The following ACSM6 variants were observed in gnomAD, a reference collection of about 807,000 sequenced individuals.
ACSM6 encodes acyl-CoA synthetase medium chain family member 6.
Under a neutral mutation model 51.1 loss-of-function variants are expected in ACSM6, and 35 were observed. That is an observed-to-expected ratio of 0.69 (90% CI 0.52 to 0.91). The LOEUF (loss-of-function observed/expected upper bound fraction) is 0.91. Among genes scored for constraint, ACSM6 ranks in the 40% least tolerant of loss-of-function variants. The pLI, the probability that ACSM6 is intolerant of heterozygous loss-of-function variation, is 0.00. For synonymous variants in ACSM6, 172 were observed against 207.3 expected (o/e 0.83, Z 1.46); for missense variants, 509 against 584.1 (o/e 0.87, Z 1.32).
exon 3 of ACSM6, chr10:95,202,178 T>C (rs1326726413): frequency 3.9e-6 from 6 of 1,552,150 alleles, no homozygotes; most frequent in African/African-American, 1.4e-5. Flanking sequence ...TGGATCTGCC[T>C]GGCCTGTGTG....
chr10:95,206,851 A>G (rs1244369855), intron 3 of ACSM6, among the ~76,000 whole-genome samples: 1 of 152,210 alleles, frequency 6.6e-6, no homozygotes, highest in Non-Finnish European at 1.5e-5. Context: ...AGCCATTCTC[A>G]AGCCATGAGA....
chr10:95,204,230 C>T (rs575234239), intron 3 of ACSM6, among the ~76,000 whole-genome samples: 3 of 152,086 alleles, frequency 2.0e-5, no homozygotes, highest in Non-Finnish European at 4.4e-5. Flanking sequence ...AAAACAAAAT[C>T]GAAAACTCAG....
chr10:95,200,208 G>A (rs868605485), intron 2 of ACSM6, among the ~76,000 whole-genome samples: 5 of 152,092 alleles, frequency 3.3e-5, no homozygotes, highest in African/African-American at 1.2e-4. Flanking sequence ...GGACATGGAT[G>A]AAGCTGGAAA....
intron 10 of ACSM6, 30 bp downstream of exon 10, chr10:95,225,421 T>C (rs1207745849): frequency 3.7e-6 from 5 of 1,352,042 alleles, no homozygotes; most frequent in East Asian, 2.6e-5. Flanking sequence ...TCCTAAATAC[T>C]TTCATTGTTG....
chr10:95,221,036 T>C (rs573964250), intron 9 of ACSM6, among the ~76,000 whole-genome samples: 5 of 151,936 alleles, frequency 3.3e-5, no homozygotes, highest in African/African-American at 4.8e-5. Context: ...AATTTTCCTC[T>C]CAAAAAATAA....
At chr10:95,204,941 C>T (rs1292300063) in intron 3 of ACSM6, among the ~76,000 whole-genome samples, 1 of 152,118 alleles carries the variant, frequency 6.6e-6, no homozygotes, top group Non-Finnish European at 1.5e-5. Flanking sequence ...AGGGTGCACT[C>T]CTCCCTTCTC....
intron 2 of ACSM6, among the ~76,000 whole-genome samples, chr10:95,197,390 T>C (rs815241): frequency 0.073 from 11,052 of 152,212 alleles, 490 homozygotes; most frequent in Middle Eastern, 0.21. Flanking sequence ...ATTATCTTCA[T>C]TATTTCAGCA....
intron 3 of ACSM6, 85 bp downstream of exon 3, chr10:95,202,280 G>C (rs1374792947): frequency 4.1e-5 from 49 of 1,192,686 alleles, no homozygotes; most frequent in Non-Finnish European, 3.2e-5. Context: ...ATGTTAGAGG[G>C]ATCTCTATCT....
intron 2 of ACSM6, among the ~76,000 whole-genome samples, chr10:95,196,059 C>T (rs2034722281): frequency 6.6e-6 from 1 of 152,098 alleles, no homozygotes; most frequent in Admixed American, 6.6e-5. Context: ...CTCTGCTTTT[C>T]TTAGCTTGTG....
rs145947503 is a variant in ACSM6 at position 95,204,369 on chromosome 10, T to C, written c.403+2174T>C. On this transcript the variant is annotated intron_variant, in intron 3 of 10. Transcript: ENST00000341686. ...GAGTTCGGGACCAACCTGGCCAACA[T>C]GGTGAAACCCCGTCTCTACTAAAAA... 3.6e-3 allele frequency among the ~76,000 whole-genome samples: 549 copies of C among 152,114 alleles called. 4 individuals are homozygous for C. Among genetic ancestry groups the C allele is most frequent in the African/African-American group, 0.013 (528 of 41,472 alleles).
At chr10:95,202,129 C>A (rs748213716) in exon 3 of ACSM6, 1 of 1,552,226 alleles carries the variant, frequency 6.4e-7, no homozygotes, top group South Asian at 1.2e-5. Flanking sequence ...CCATGGAGAC[C>A]GGCTGATGAT....
At chr10:95,204,756 A>T (rs892460410) in intron 3 of ACSM6, among the ~76,000 whole-genome samples, 2 of 152,214 alleles carry the variant, frequency 1.3e-5, no homozygotes, top group Non-Finnish European at 2.9e-5. Context: ...TTAGAAGAAT[A>T]TATAGGTGAG....
chr10:95,216,284 C>T (rs2034943389), intron 8 of ACSM6, among the ~76,000 whole-genome samples: 1 of 152,024 alleles, frequency 6.6e-6, no homozygotes. Flanking sequence ...ACCCTCATGA[C>T]CTCATCTAAA....
chr10:95,202,235 T>C (rs1260036951), intron 3 of ACSM6, 40 bp downstream of exon 3: 3 of 1,470,710 alleles, frequency 2.0e-6, no homozygotes, highest in Admixed American at 3.9e-5. Flanking sequence ...TGGAGGCTTA[T>C]GTGAATCCCA....
intron 9 of ACSM6, among the ~76,000 whole-genome samples, chr10:95,220,975 TTTTA>T (rs2034990002): frequency 6.6e-6 from 1 of 152,260 alleles, no homozygotes; most frequent in African/African-American, 2.4e-5. Context: ...ATTTCTTAAT[TTTTA>T]TTTGTTTGGG....
intron 2 of ACSM6, among the ~76,000 whole-genome samples, chr10:95,198,376 C>T (rs889145683): frequency 1.3e-5 from 2 of 152,288 alleles, no homozygotes; most frequent in Admixed American, 1.3e-4. Flanking sequence ...TACAACCAGG[C>T]ACAGTGGATC....
chr10:95,224,230 C>T (rs996338544), intron 9 of ACSM6, among the ~76,000 whole-genome samples: 8 of 152,094 alleles, frequency 5.3e-5, no homozygotes, highest in African/African-American at 1.9e-4. Flanking sequence ...AGAAAAGTTT[C>T]CAAGTATTCA....
At chr10:95,220,343 G>T (rs1433011696) in intron 9 of ACSM6, among the ~76,000 whole-genome samples, 1 of 152,164 alleles carries the variant, frequency 6.6e-6, no homozygotes, top group Non-Finnish European at 1.5e-5. Context: ...ATACTAAAGT[G>T]GGAAGTCTAA....
intron 3 of ACSM6, among the ~76,000 whole-genome samples, chr10:95,203,144 G>C (rs2133374833): frequency 6.6e-6 from 1 of 152,138 alleles, no homozygotes; most frequent in African/African-American, 2.4e-5. Context: ...GGTGGCATTA[G>C]ATTCTCATAG....
Sources: allele counts gnomAD v4.1 joint callset (sites outside exome capture counted in the v4.1 genomes callset), GRCh38; gene constraint gnomAD v4.1.1; transcripts MANE v1.5; gene names NCBI Gene and HGNC (gene_info 2026-07-23, HGNC 2026-07-21).